Variants in CHST9 observed in about 807,000 individuals in gnomAD.
CHST9 encodes the protein carbohydrate sulfotransferase 9, also known as GalNAc-4-sulfotransferase 2.
A neutral mutation model predicts 44.4 loss-of-function variants in CHST9; 41 were observed. That is an observed-to-expected ratio of 0.92 (90% confidence interval 0.72 to 1.20). The LOEUF (loss-of-function observed/expected upper bound fraction) is 1.20, where lower values mean the gene tolerates loss of function less well. Ranked by LOEUF, CHST9 falls within the 50% of genes most tolerant of loss-of-function variation. The probability of loss-of-function intolerance (pLI) is 0.00; values close to 1 mark genes in which losing one functional copy is unlikely to be tolerated. For missense variants in CHST9, 504 were observed against 516.5 expected (o/e 0.98, Z 0.23); for synonymous variants, 171 against 178.4 (o/e 0.96, Z 0.33).
At chr18:26,927,444 G>A (rs2055789954) in intron 5 of CHST9, among the ~76,000 whole-genome samples, 1 of 152,080 alleles carries the variant, frequency 6.6e-6, no homozygotes. Context: ...AGTATTTATT[G>A]ATTATTATCT....
At chr18:26,993,468 A>G (rs1448683142) in intron 4 of CHST9, among the ~76,000 whole-genome samples, 3 of 152,222 alleles carry the variant, frequency 2.0e-5, no homozygotes, top group Non-Finnish European at 4.4e-5. Flanking sequence ...AAAGTTCTTT[A>G]TCTGTGACTT....
At chr18:27,023,836 G>A (rs180798719) in intron 4 of CHST9, among the ~76,000 whole-genome samples, 1 of 152,186 alleles carries the variant, frequency 6.6e-6, no homozygotes, top group East Asian at 1.9e-4. Flanking sequence ...TTCATATAAG[G>A]AAAACACCAT....
chr18:26,963,482 A>C (rs1466523976), intron 4 of CHST9, among the ~76,000 whole-genome samples: 1 of 151,988 alleles, frequency 6.6e-6, no homozygotes, highest in African/African-American at 2.4e-5. Flanking sequence ...TTAGCTGCCT[A>C]CAAGCTCCCC....
At chr18:26,981,218 A>G (rs569202290) in intron 4 of CHST9, among the ~76,000 whole-genome samples, 1 of 152,334 alleles carries the variant, frequency 6.6e-6, no homozygotes, top group Admixed American at 6.5e-5. Flanking sequence ...AGAAAGAGCC[A>G]AGGGTTTCTT....
At chr18:27,076,790 GA>G (rs1327716706) in intron 2 of CHST9, among the ~76,000 whole-genome samples, 28 of 152,324 alleles carry the variant, frequency 1.8e-4, no homozygotes, top group Non-Finnish European at 3.5e-4. Flanking sequence ...GTGTTTGACA[GA>G]AAGCTTAGGA....
In CHST9 at chr18:26,969,067, C is replaced by T. The variant is rs191202604; in HGVS notation, c.203-24701G>A. ...AGGCTGGAGTGCAGTGGTGCGATCT[C>T]GGCTCACTGCAAGCTCCGCCTCCCG... On this transcript the variant is annotated intron_variant, in intron 4 of 5. Transcript: ENST00000618847. Among the ~76,000 whole-genome samples, 573 of 150,318 alleles carry T rather than the reference C, an allele frequency of 3.8e-3. 2 individuals carry two copies. The highest frequency in any genetic ancestry group is 0.013 in the African/African-American group (541 of 40,834).
chr18:27,029,111 C>T (rs972051661), intron 3 of CHST9, among the ~76,000 whole-genome samples: 1 of 152,014 alleles, frequency 6.6e-6, no homozygotes, highest in Non-Finnish European at 1.5e-5. Flanking sequence ...TGTGCTGCTG[C>T]AGACCAGAAA....
intron 2 of CHST9, among the ~76,000 whole-genome samples, chr18:27,080,257 G>C (rs967366183): frequency 6.6e-6 from 1 of 151,922 alleles, no homozygotes; most frequent in African/African-American, 2.4e-5. Flanking sequence ...CCAAAAAATG[G>C]TTCAACCTGC....
chr18:27,068,612 T>A (rs1288822905), intron 2 of CHST9, among the ~76,000 whole-genome samples: 1 of 152,176 alleles, frequency 6.6e-6, no homozygotes, highest in Non-Finnish European at 1.5e-5. Context: ...TTTTGGACCA[T>A]TTATTATTTT....
intron 2 of CHST9, among the ~76,000 whole-genome samples, chr18:27,078,364 T>C (rs902452660): frequency 6.6e-6 from 1 of 152,150 alleles, no homozygotes; most frequent in Non-Finnish European, 1.5e-5. Context: ...AAATGTATAG[T>C]CAGTTCCTGT....
intron 2 of CHST9, among the ~76,000 whole-genome samples, chr18:27,052,848 T>C (rs1231511004): frequency 6.6e-6 from 1 of 151,824 alleles, no homozygotes; most frequent in East Asian, 1.9e-4. Context: ...CTCATATTCT[T>C]ACTCACCAGT....
At chr18:27,071,657 GAAATCACTA>G (rs2057841435) in intron 2 of CHST9, among the ~76,000 whole-genome samples, 2 of 152,102 alleles carry the variant, frequency 1.3e-5, no homozygotes, top group African/African-American at 4.8e-5. Context: ...TTCTTTTGGA[GAAATCACTA>G]AAATATCTGT....
At chr18:27,117,658 G>C (rs143490675) in intron 2 of CHST9, among the ~76,000 whole-genome samples, 1,896 of 152,160 alleles carry the variant, frequency 0.012, 30 homozygotes, top group South Asian at 0.029. Context: ...AGCCTTTTCA[G>C]ATTGGGTTCT....
At chr18:27,038,082 G>A (rs2057408023) in intron 3 of CHST9, among the ~76,000 whole-genome samples, 1 of 151,712 alleles carries the variant, frequency 6.6e-6, no homozygotes, top group South Asian at 2.1e-4. Flanking sequence ...TCTGCTATGG[G>A]GTTATATTTA....
At chr18:27,035,726 A>C (rs1476390537) in intron 3 of CHST9, among the ~76,000 whole-genome samples, 1 of 152,156 alleles carries the variant, frequency 6.6e-6, no homozygotes, top group Non-Finnish European at 1.5e-5. Context: ...CATAATCTCA[A>C]TTATACGTAT....
chr18:27,054,176 C>G (rs1193755562), intron 2 of CHST9, among the ~76,000 whole-genome samples: 1 of 152,052 alleles, frequency 6.6e-6, no homozygotes, highest in Non-Finnish European at 1.5e-5. Flanking sequence ...TGCTAAAATG[C>G]AGTGAAAGTA....
intron 4 of CHST9, among the ~76,000 whole-genome samples, chr18:26,991,301 G>A (rs1223703237): frequency 6.6e-6 from 1 of 152,140 alleles, no homozygotes; most frequent in Non-Finnish European, 1.5e-5. Flanking sequence ...TGGGATGTGA[G>A]AGAAAGAAAA....
intron 4 of CHST9, among the ~76,000 whole-genome samples, chr18:26,995,397 C>T (rs2145216226): frequency 6.8e-6 from 1 of 147,952 alleles, no homozygotes; most frequent in East Asian, 2.0e-4. Flanking sequence ...AAGATCGCGC[C>T]ACTACACTGC....
chr18:27,110,176 A>C (rs17704953), intron 2 of CHST9, among the ~76,000 whole-genome samples: 6,173 of 151,870 alleles, frequency 0.041, 186 homozygotes, highest in Non-Finnish European at 0.06. Flanking sequence ...TGCCACTTGA[A>C]AAAAGGTTTG....
Sources: allele counts gnomAD v4.1 joint callset (sites outside exome capture counted in the v4.1 genomes callset), GRCh38; gene constraint gnomAD v4.1.1; transcripts MANE v1.5; gene names NCBI Gene and HGNC (gene_info 2026-07-23, HGNC 2026-07-21).